PLEC: variants seen among roughly 807,000 people sequenced by gnomAD.
PLEC encodes the protein hemidesmosomal protein 1.
PLEC carries 216 observed loss-of-function variants against 392.8 expected under a neutral mutation model. The ratio of observed to expected loss-of-function variants is 0.55; its 90% CI spans 0.49 to 0.62. The LOEUF (loss-of-function observed/expected upper bound fraction) is 0.62, where lower values mean the gene tolerates loss of function less well. PLEC is among the 20% of genes least tolerant of loss of function. The pLI, the probability that PLEC is intolerant of heterozygous loss-of-function variation, is 0.00. For synonymous variants in PLEC, 3,621 were observed against 2,980.6 expected, an observed-to-expected ratio of 1.21 and a Z score of -7.00; for missense variants, 6,863 against 6,563.4, an observed-to-expected ratio of 1.05 and a Z score of -1.58.
upstream of PLEC, among the ~76,000 whole-genome samples, chr8:143,952,762 A>G (rs1049202745): frequency 3.3e-5 from 5 of 151,368 alleles, no homozygotes; most frequent in Non-Finnish European, 7.4e-5. Context: ...GCCAGGACTG[A>G]CCCCCGCTGG....
upstream of PLEC, chr8:143,943,739 GC>G (rs781838538): frequency 1.4e-5 from 23 of 1,589,474 alleles, no homozygotes; most frequent in Non-Finnish European, 1.7e-5. Flanking sequence ...CGGCCCCTCT[GC>G]CCCGCCTCGA....
Position 143,933,190 on chromosome 8 carries a change from G to T in PLEC, c.1418+7C>A, listed in dbSNP as rs1286131810. 6.2e-7 allele frequency: 1 copy of T among 1,611,932 alleles called. No homozygotes were observed. The highest frequency in any genetic ancestry group is 2.2e-5 in the East Asian group (1 of 44,882). ...CTGGGCTTCAGGGAGGGCAGGGCGG[G>T]GCCCACCTGCGGTACATCTGCTCGC... On this transcript the variant is annotated splice_region_variant and intron_variant, in intron 13 of 31. Transcript: ENST00000345136.
upstream of PLEC, chr8:143,944,575 GC>G: frequency 3.1e-6 from 3 of 962,004 alleles, no homozygotes; most frequent in Admixed American, 3.9e-5. Flanking sequence ...TCCAGCCTCA[GC>G]CCCAGCCCTC....
upstream of PLEC, chr8:143,950,934 G>T: frequency 1.1e-6 from 1 of 901,316 alleles, no homozygotes; most frequent in East Asian, 3.0e-5. Flanking sequence ...ACTGCCGGCT[G>T]CCCGCCTTCC....
At chr8:143,975,349 C>T (rs370552838), upstream of PLEC, 6 of 1,609,746 alleles carry the variant, frequency 3.7e-6, no homozygotes, top group East Asian at 4.5e-5. The surrounding 1 kb of genome is among the most constrained non-coding windows in gnomAD (Gnocchi z 9.9). Context: ...CTGCCCGGAC[C>T]TCAGCGTCCT....
At chr8:143,944,821 C>T in intron 1 of PLEC, 3 of 698,024 alleles carry the variant, frequency 4.3e-6, no homozygotes, top group South Asian at 1.1e-4. Context: ...GGGAGGGGAG[C>T]AGTGGGCAGG....
chr8:143,923,335 G>A lies in PLEC; in HGVS notation c.6594C>T (p.Thr2198=), dbSNP rs144242254. Residue 2198 remains threonine, a synonymous_variant, in exon 31 of 32, where the codon ACC becomes ACT. Coordinates refer to ENST00000345136, the MANE Select transcript of PLEC (RefSeq NM_201384.3). ...LTTLRLQLEE[T]DHQKNLLDEE... ...CGTCCAGCAGGTTCTTCTGGTGGTC[G>A]GTCTCCTCCAGCTGCAGCCGCAGTG... is the stretch of plus-strand genomic sequence containing the variant. The A allele has an allele frequency of 1.3e-3, 2,042 of 1,609,842 alleles. 3 individuals carry two copies. The highest frequency in any genetic ancestry group is 3.3e-3 in the Middle Eastern group (20 of 6,060).
rs62641758 is a variant in PLEC at position 143,921,391 on chromosome 8, G to A, written c.8430C>T (p.Ile2810=). Residue 2810 remains isoleucine (I), a synonymous_variant, in exon 32 of 32, where the codon ATC becomes ATT. Coordinates refer to ENST00000345136, the MANE Select transcript of PLEC (RefSeq NM_201384.3). ...EHGIRLLEAQ[I]ATGGVIDPVH... ...CGGGGTCGATAACGCCGCCCGTGGC[G>A]ATCTGGGCCTCCAGCAGGCGGATGC... The A allele has an allele frequency of 1.4e-5, 22 of 1,613,222 alleles. No homozygotes were observed. The highest frequency in any genetic ancestry group is 2.7e-5 in the African/African-American group (2 of 74,938).
chr8:143,944,436 C>A (rs1295699240), upstream of PLEC, among the ~76,000 whole-genome samples: 1 of 152,240 alleles, frequency 6.6e-6, no homozygotes, highest in African/African-American at 2.4e-5. Context: ...ACCCACTGCA[C>A]TCCTTCAACT....
upstream of PLEC, among the ~76,000 whole-genome samples, chr8:143,943,198 G>A (rs574393795): frequency 1.3e-5 from 2 of 152,344 alleles, no homozygotes; most frequent in South Asian, 2.1e-4. Flanking sequence ...CCAGGTCCCC[G>A]ATAGGCAGTC....
At position 143,918,904 on chromosome 8, in the gene PLEC, G is replaced by A. The variant is rs781896370; in HGVS notation, c.10917C>T (p.Ser3639=). Residue 3639 remains serine (S), a synonymous_variant, in exon 32 of 32, where the codon TCC becomes TCT. Transcript: ENST00000345136. ...TGAGGCGGCGGCGCACGTAGTCGTA[G>A]GAGGCCAGACCCTGCTGGCGGATGA... ...TEIIRQQGLA[S]YDYVRRRLTA... The A allele has an allele frequency of 8.1e-6, 13 of 1,611,476 alleles. No homozygotes were observed. The highest frequency in any genetic ancestry group is 4.5e-5 in the East Asian group (2 of 44,870).
Position 143,925,715 on chromosome 8 carries a change from TC to T in PLEC, c.4213del (p.Glu1405ArgfsTer117). ...CTGCTGCGCGTCCACCGCCGCCTCC[TC>T]CCGCCGCACCACCTCCTCCTGCATG... is the stretch of plus-strand genomic sequence containing the variant. ...QRMQEEVVRR[E>X]EAAVDAQQQK... On this transcript the variant is annotated frameshift_variant, in exon 31 of 32. Transcript: ENST00000345136. LOFTEE classifies it high-confidence loss of function. 1 of 1,590,372 alleles carries T rather than the reference TC, an allele frequency of 6.3e-7. No individual in the cohort carries two copies.
intron 1 of PLEC, chr8:143,946,591 G>A (rs1831513323): frequency 3.0e-6 from 1 of 337,050 alleles, no homozygotes; most frequent in Admixed American, 3.9e-5. Flanking sequence ...AGACCTGCCT[G>A]GGGGTGCAGG....
intron 19 of PLEC, 142 bp from the exon 20 acceptor site, chr8:143,930,678 G>T: frequency 1.1e-6 from 1 of 871,070 alleles, no homozygotes; most frequent in Non-Finnish European, 1.8e-6. Flanking sequence ...AGGTATAGCT[G>T]GGACAGGCCC....
chr8:143,950,908 T>A, upstream of PLEC: 1 of 1,123,548 alleles, frequency 8.9e-7, no homozygotes, highest in Non-Finnish European at 1.2e-6. Context: ...CCTGGCTCCG[T>A]GCAATCCCTG....
In PLEC at chr8:143,917,738, G is replaced by A; in HGVS notation, c.12083C>T (p.Ala4028Val). 6.2e-7 allele frequency: 1 copy of A among 1,613,590 alleles called. No homozygotes were observed. The highest frequency in any genetic ancestry group is 8.5e-7 in the Non-Finnish European group (1 of 1,180,030). ...CTTCAGGATCAGGCCCTTCTTCATG[G>A]CCTGGAAGAGGGAGATGAGCTTCCC... ...YSGKLISLFQAMKKGLILKDH... is the reference protein window; with the variant it reads ...YSGKLISLFQVMKKGLILKDH... Residue 4028 changes from alanine (A) to valine (V), a missense_variant, in exon 32 of 32, where the codon GCC (alanine) becomes GTC (valine). Coordinates refer to ENST00000345136, the MANE Select transcript of PLEC (RefSeq NM_201384.3).
rs150384680 is a variant in PLEC at position 143,924,779 on chromosome 8, C to T, written c.5150G>A (p.Arg1717Gln). The T allele has an allele frequency of 3.8e-5, 59 of 1,535,474 alleles. No homozygotes were observed. Among genetic ancestry groups the T allele is most frequent in the Non-Finnish European group, 5.1e-5 (59 of 1,146,624 alleles). The change falls in exon 31 of 32, where the codon CGG becomes CAG. Residue 1717 changes from arginine to glutamine, a missense_variant. Transcript: ENST00000345136. ...CCCCTGCTCCGTCTCGGCCCGCAGC[C>T]GGATCAACTCCTGCTCCGCGGCCAG... ...QRLAAEQELI[R>Q]LRAETEQGEQ...
chr8:143,963,308 G>A (rs781831338), intron 1 of PLEC, among the ~76,000 whole-genome samples: 3 of 152,222 alleles, frequency 2.0e-5, no homozygotes, highest in Non-Finnish European at 2.9e-5. Context: ...AAGGAAGAAT[G>A]ACTCCAAGGT....
Position 143,916,313 on chromosome 8 carries a change from C to T in PLEC, c.13508G>A (p.Arg4503His), listed in dbSNP as rs1211970755. Reference sequence around the variant, plus strand: ...GGAGCCGGTGGCGTCAAAGCTGCCGCGGCGGGAGCCGGCCCGGGAGCCGGT... The same window carrying T: ...GGAGCCGGTGGCGTCAAAGCTGCCGTGGCGGGAGCCGGCCCGGGAGCCGGT... ...SRTGSRAGSRRGSFDATGSGF... is the reference protein window; with the variant it reads ...SRTGSRAGSRHGSFDATGSGF... The change falls in exon 32 of 32, where the codon CGC becomes CAC. Residue 4503 changes from arginine (R) to histidine (H), a missense_variant. Arg to His is a conservative substitution (Grantham distance 29, BLOSUM62 0). Transcript: ENST00000345136. The T allele has an allele frequency of 1.5e-5, 23 of 1,579,250 alleles. No individual in the cohort carries two copies. The highest frequency in any genetic ancestry group is 1.9e-4 in the Middle Eastern group (1 of 5,158).
Sources: gnomAD v4.1 joint callset for allele counts (sites outside exome capture counted in the v4.1 genomes callset) on GRCh38, gnomAD v4.1.1 for gene constraint, Gnocchi (gnomAD v3.1) non-coding constraint, MANE v1.5 for transcripts, NCBI Gene and HGNC (gene_info 2026-07-23, HGNC 2026-07-21) for gene names.